The following DPP6 variants were observed in gnomAD, a reference collection of about 807,000 sequenced individuals.
DPP6 encodes the protein A-type potassium channel modulatory protein DPP6.
A neutral mutation model predicts 122.6 loss-of-function variants in DPP6; 69 were observed. The observed-to-expected ratio is 0.56, with a 90% CI of 0.46 to 0.69. The LOEUF (loss-of-function observed/expected upper bound fraction) is 0.69, where lower values mean the gene tolerates loss of function less well. Among genes scored for constraint, DPP6 ranks in the 30% least tolerant of loss-of-function variants. The pLI is 0.00. For synonymous variants in DPP6, 418 were observed against 433.1 expected, an observed-to-expected ratio of 0.97 and a Z score of 0.43; for missense variants, 928 against 1,116.9, an observed-to-expected ratio of 0.83 and a Z score of 2.41.
chr7:154,070,133 G>A lies in DPP6; in HGVS notation c.243+17070G>A, dbSNP rs1407323557. On this transcript the variant is annotated intron_variant, in intron 1 of 25. Transcript: ENST00000377770. ...AATTGTGGACTGTGCCGTTCACTGT[G>A]TACTATCAGGAATTTAGGTAAGGCA... 9.3e-5 allele frequency among the ~76,000 whole-genome samples: 14 copies of A among 150,860 alleles called. No homozygotes were observed. The East Asian group carries it at 2.3e-3, about 25-fold the overall frequency.
In DPP6 at chr7:154,446,398, T is replaced by C. The variant is rs904901905; in HGVS notation, c.358+70T>C. On this transcript the variant is annotated intron_variant, in intron 2 of 25. Transcript: ENST00000377770. ...AGAGCATAATTTTACCTTGCAATTT[T>C]TTTCTAAGTAACTACCTATTACATA... 1.2e-4 allele frequency: 140 copies of C among 1,179,198 alleles called. 1 individual carries two copies. The Middle Eastern group carries it at 2.0e-3, about 17-fold the overall frequency. 73.0% of individuals were successfully genotyped at this position (1,179,198 alleles called of 1,614,324 possible). A position where few individuals can be genotyped will look rare whatever the true frequency, so the allele number is the denominator to read the frequency against.
In DPP6 at chr7:154,120,310, T is replaced by A. The variant is rs1309432461; in HGVS notation, c.243+67247T>A. On this transcript the variant is annotated intron_variant, in intron 1 of 25. Transcript: ENST00000377770. ...CCCAGGCTGGAGTGCAGTGGTGTGA[T>A]CTCAGCTCACTGCAAGCTCCCCCTC... Among the ~76,000 whole-genome samples the A allele has an allele frequency of 5.3e-5, 8 of 151,948 alleles. No homozygotes were observed. In the South Asian group the frequency reaches 1.7e-3, roughly 32 times the overall value.
intron 6 of DPP6, among the ~76,000 whole-genome samples, chr7:154,638,924 G>T (rs1253162234): frequency 6.6e-6 from 1 of 152,066 alleles, no homozygotes; most frequent in Admixed American, 6.6e-5. Flanking sequence ...CTTTGCAAAG[G>T]TGAGGTGCTC....
chr7:154,638,541 ACAT>A (rs1835871940), intron 6 of DPP6, among the ~76,000 whole-genome samples: 1 of 152,114 alleles, frequency 6.6e-6, no homozygotes, highest in Non-Finnish European at 1.5e-5. Flanking sequence ...TCATGACCTC[ACAT>A]TGCACTGCTA....
At chr7:154,339,805 TGGCTCAC>T (rs1318122110) in intron 1 of DPP6, among the ~76,000 whole-genome samples, 5 of 152,180 alleles carry the variant, frequency 3.3e-5, no homozygotes, top group Non-Finnish European at 5.9e-5. Flanking sequence ...CTGGGCGTAG[TGGCTCAC>T]GCCTGTAATC....
intron 1 of DPP6, among the ~76,000 whole-genome samples, chr7:154,338,314 C>T (rs531365634): frequency 6.6e-6 from 1 of 152,214 alleles, no homozygotes; most frequent in Non-Finnish European, 1.5e-5. Flanking sequence ...GTTTGGAATG[C>T]TCTTGTCTGA....
At chr7:154,807,836 GA>G (rs1798796781) in intron 16 of DPP6, among the ~76,000 whole-genome samples, 1 of 151,572 alleles carries the variant, frequency 6.6e-6, no homozygotes, top group Non-Finnish European at 1.5e-5. Context: ...GACTAGATAA[GA>G]AAAAAAGGAT....
At chr7:154,580,824 A>G (rs1366947608) in intron 5 of DPP6, among the ~76,000 whole-genome samples, 3 of 152,186 alleles carry the variant, frequency 2.0e-5, no homozygotes, top group Non-Finnish European at 4.4e-5. Flanking sequence ...AAACACCTGC[A>G]GCGAGCATCA....
chr7:154,017,164 C>CTA (rs1798457824), intron 1 of DPP6, among the ~76,000 whole-genome samples: 1 of 152,126 alleles, frequency 6.6e-6, no homozygotes, highest in South Asian at 2.1e-4. Flanking sequence ...ACCTCCTAAA[C>CTA]ACAAGTGTTC....
intron 21 of DPP6, among the ~76,000 whole-genome samples, chr7:154,881,586 C>T (rs1805391539): frequency 6.6e-6 from 1 of 152,226 alleles, no homozygotes; most frequent in Non-Finnish European, 1.5e-5. Flanking sequence ...CCCATCTTCC[C>T]TCTGGGAGTG....
chr7:154,016,241 C>T (rs560286494), intron 1 of DPP6, among the ~76,000 whole-genome samples: 5 of 152,168 alleles, frequency 3.3e-5, no homozygotes, highest in Non-Finnish European at 7.3e-5. Context: ...ACTATCAAGA[C>T]ATTGAACAAG....
rs569702507 is a variant in DPP6, at chr7:154,453,271, AGAAG to A, written c.358+6944_358+6947del. Among the ~76,000 whole-genome samples, 458 of 152,314 alleles carry A rather than the reference AGAAG, an allele frequency of 3.0e-3. 1 individual carries two copies. The highest frequency in any genetic ancestry group is 0.01 in the African/African-American group (435 of 41,580). On this transcript the variant is annotated intron_variant, in intron 2 of 25. Transcript: ENST00000377770. ...AACACTTTTAGGTGGTACATCAATG[AGAAG>A]CCTTGAATAATTCAAAGTCATAGTG...
At chr7:154,248,981 T>G (rs1353196888) in intron 1 of DPP6, among the ~76,000 whole-genome samples, 1 of 152,268 alleles carries the variant, frequency 6.6e-6, no homozygotes, top group Non-Finnish European at 1.5e-5. Flanking sequence ...ATGTGCCTCC[T>G]TTCTTAAGCC....
intron 1 of DPP6, among the ~76,000 whole-genome samples, chr7:154,145,237 G>A (rs1170116184): frequency 6.6e-6 from 1 of 152,162 alleles, no homozygotes; most frequent in Non-Finnish European, 1.5e-5. Flanking sequence ...CACAGAGGAG[G>A]CGACTAGAGA....
intron 3 of DPP6, among the ~76,000 whole-genome samples, chr7:154,482,040 A>G (rs570000595): frequency 1.3e-5 from 2 of 152,350 alleles, no homozygotes; most frequent in Non-Finnish European, 2.9e-5. Flanking sequence ...GAAACTTACA[A>G]GCATGTGATT....
At chr7:154,880,138 A>G (rs1238019187) in intron 20 of DPP6, among the ~76,000 whole-genome samples, 2 of 152,246 alleles carry the variant, frequency 1.3e-5, no homozygotes, top group African/African-American at 4.8e-5. Flanking sequence ...CTAACAAGCA[A>G]CAAGCCCACA....
At chr7:154,385,111 A>G (rs549031588) in intron 1 of DPP6, among the ~76,000 whole-genome samples, 3 of 152,214 alleles carry the variant, frequency 2.0e-5, no homozygotes, top group Admixed American at 6.5e-5. Context: ...CTGGGACTAC[A>G]GGTGCCCGCC....
chr7:154,512,684 T>C (rs1586503056), intron 3 of DPP6, among the ~76,000 whole-genome samples: 1 of 149,080 alleles, frequency 6.7e-6, no homozygotes, highest in East Asian at 1.9e-4. Context: ...GTGGAAATCA[T>C]GTGTAATGGG....
intron 1 of DPP6, among the ~76,000 whole-genome samples, chr7:153,892,285 A>G (rs1035065907): frequency 6.6e-6 from 1 of 152,164 alleles, no homozygotes; most frequent in Admixed American, 6.5e-5. Flanking sequence ...TAGATAAGTC[A>G]TGAGAGCTCG....
Sources: gnomAD v4.1 joint callset for allele counts (sites outside exome capture counted in the v4.1 genomes callset) on GRCh38, gnomAD v4.1.1 for gene constraint, MANE v1.5 for transcripts, NCBI Gene and HGNC (gene_info 2026-07-23, HGNC 2026-07-21) for gene names.